PTPRM: variants seen among roughly 807,000 people sequenced by gnomAD.
PTPRM encodes protein tyrosine phosphatase receptor type M.
In PTPRM, 47 loss-of-function variants were observed where a neutral mutation model predicts 186.7. The ratio of observed to expected loss-of-function variants is 0.25; its 90% CI spans 0.20 to 0.32. The LOEUF is 0.32. PTPRM is among the 10% of genes least tolerant of loss of function. The probability of loss-of-function intolerance (pLI) is 1.00; values close to 1 mark genes in which losing one functional copy is unlikely to be tolerated. For missense variants in PTPRM, 1,494 were observed against 1,865.0 expected, an observed-to-expected ratio of 0.80 and a Z score of 3.66; for synonymous variants, 668 against 674.9, an observed-to-expected ratio of 0.99 and a Z score of 0.16.
chr18:7,955,376 C>T lies in PTPRM; in HGVS notation c.1094C>T (p.Ser365Phe). 6.2e-7 allele frequency: 1 copy of T among 1,614,002 alleles called. No individual in the cohort carries two copies. Among genetic ancestry groups the T allele is most frequent in the Admixed American group, 1.7e-5 (1 of 60,028 alleles). ...LTRPGEGGTG[S>F]PGPALRTRTK... is the part of the protein sequence containing the mutation. ...AGGCCAGGGGAGGGTGGCACTGGCT[C>T]TCCTGGTCCAGCTCTCAGGACAAGA... The change falls in exon 7 of 33, where the codon TCT becomes TTT. Residue 365 changes from serine to phenylalanine, a missense_variant. Physicochemically the swap from Ser to Phe is radical, Grantham distance 155. Transcript: ENST00000580170.
At chr18:8,178,478 C>T (rs916350221) in intron 14 of PTPRM, among the ~76,000 whole-genome samples, 1 of 152,112 alleles carries the variant, frequency 6.6e-6, no homozygotes, top group Non-Finnish European at 1.5e-5. Flanking sequence ...GCCACATAGG[C>T]TCCTTTTAAA....
At chr18:7,949,570 C>CA (rs1370036646) in intron 6 of PTPRM, among the ~76,000 whole-genome samples, 5 of 152,112 alleles carry the variant, frequency 3.3e-5, no homozygotes, top group South Asian at 2.1e-4. Flanking sequence ...TTTAGTTGCA[C>CA]AAAAAACAAT....
At chr18:7,654,917 T>C (rs2038812190) in intron 1 of PTPRM, among the ~76,000 whole-genome samples, 1 of 152,222 alleles carries the variant, frequency 6.6e-6, no homozygotes, top group Non-Finnish European at 1.5e-5. Context: ...TTGCTTAGGA[T>C]TGCATTGGCT....
At chr18:7,824,722 G>T (rs923855947) in intron 2 of PTPRM, among the ~76,000 whole-genome samples, 1 of 152,128 alleles carries the variant, frequency 6.6e-6, no homozygotes, top group Non-Finnish European at 1.5e-5. Flanking sequence ...TCCAAACTGT[G>T]GTTAAAACAT....
At chr18:8,316,441 G>A (rs915165109) in intron 21 of PTPRM, among the ~76,000 whole-genome samples, 1 of 152,148 alleles carries the variant, frequency 6.6e-6, no homozygotes, top group Non-Finnish European at 1.5e-5. Context: ...GCTCAAGGAG[G>A]TCACATACAT....
chr18:8,305,450 T>G (rs62089868), intron 20 of PTPRM, among the ~76,000 whole-genome samples: 7 of 152,242 alleles, frequency 4.6e-5, no homozygotes, highest in Non-Finnish European at 8.8e-5. Context: ...ATTAATTCAC[T>G]TAATCCTCAC....
chr18:8,258,476 C>G (rs1298209887), intron 19 of PTPRM, among the ~76,000 whole-genome samples: 3 of 152,100 alleles, frequency 2.0e-5, no homozygotes, highest in Non-Finnish European at 4.4e-5. Flanking sequence ...GATACCACGT[C>G]AGGTCCAACG....
At chr18:8,257,158 G>C (rs1385842451) in intron 19 of PTPRM, among the ~76,000 whole-genome samples, 1 of 152,230 alleles carries the variant, frequency 6.6e-6, no homozygotes, top group African/African-American at 2.4e-5. Context: ...CAAGAGCAAG[G>C]ATGACTTCTC....
rs370053249 is a variant in PTPRM, at chr18:8,379,358, C to T, written c.3786+18C>T. The stretch of plus-strand genomic sequence containing the variant: ...TCATGGACGTGAGTGCCCCGCTTCC[C>T]GCACGGGTCCGAGGCTGGGGTGTTT... On this transcript the variant is annotated intron_variant, in intron 28 of 32. Coordinates refer to ENST00000580170, the MANE Select transcript of PTPRM (RefSeq NM_001105244.2). 7.7e-5 allele frequency: 123 copies of T among 1,588,308 alleles called. No individual in the cohort carries two copies. Among genetic ancestry groups the T allele is most frequent in the Admixed American group, 1.5e-4 (9 of 58,960 alleles).
chr18:8,226,148 TAA>T (rs10710447), intron 14 of PTPRM, among the ~76,000 whole-genome samples: 28 of 151,078 alleles, frequency 1.9e-4, no homozygotes, highest in Non-Finnish European at 4.4e-5. Context: ...AATGTGTGGT[TAA>T]AAAAAAAATG....
Position 8,065,377 on chromosome 18 carries a change from A to T in PTPRM, c.1133-4309A>T, listed in dbSNP as rs1035045049. Among the ~76,000 whole-genome samples, 12 of 152,218 alleles carry T rather than the reference A, an allele frequency of 7.9e-5. No homozygotes were observed. The East Asian group carries it at 1.5e-3, about 20-fold the overall frequency. On this transcript the variant is annotated intron_variant, in intron 7 of 32. Coordinates refer to ENST00000580170, the MANE Select transcript of PTPRM (RefSeq NM_001105244.2). ...CTTAGGTCAGACTTCTCTGCTGGAAACCTGGCTCAAGCTGGCAGAAAAAGA... is the reference window on the plus strand; with the variant it reads ...CTTAGGTCAGACTTCTCTGCTGGAATCCTGGCTCAAGCTGGCAGAAAAAGA...
intron 2 of PTPRM, among the ~76,000 whole-genome samples, chr18:7,883,387 A>G (rs1174571921): frequency 6.6e-6 from 1 of 152,216 alleles, no homozygotes; most frequent in Non-Finnish European, 1.5e-5. Flanking sequence ...ATAGTCTAAA[A>G]TTGAATATAA....
intron 2 of PTPRM, among the ~76,000 whole-genome samples, chr18:7,793,287 G>A (rs2043437245): frequency 6.6e-6 from 1 of 152,182 alleles, no homozygotes; most frequent in African/African-American, 2.4e-5. Context: ...ACTTCTCTGA[G>A]CCTCGGTTTA....
intron 7 of PTPRM, among the ~76,000 whole-genome samples, chr18:7,984,890 CATATATAAATATATACAT>C (rs2082787734): frequency 8.2e-6 from 1 of 122,402 alleles, no homozygotes; most frequent in Non-Finnish European, 1.6e-5. Flanking sequence ...ATTATATATA[CATATATAAATATATACAT>C]ATAATTATAT....
chr18:8,261,953 C>T (rs1275378461), intron 19 of PTPRM, among the ~76,000 whole-genome samples: 1 of 152,196 alleles, frequency 6.6e-6, no homozygotes, highest in East Asian at 1.9e-4. Flanking sequence ...CTTGGAGGAC[C>T]TGGCCCAGAA....
chr18:7,831,748 C>G (rs913725489), intron 2 of PTPRM, among the ~76,000 whole-genome samples: 1 of 152,088 alleles, frequency 6.6e-6, no homozygotes, highest in Non-Finnish European at 1.5e-5. Context: ...CCATCTCCAC[C>G]TTCATCTCCA....
chr18:8,214,118 G>A (rs1328573107), intron 14 of PTPRM, among the ~76,000 whole-genome samples: 2 of 152,156 alleles, frequency 1.3e-5, no homozygotes, highest in East Asian at 1.9e-4. Flanking sequence ...AGGGGGGCAG[G>A]TAGGGGAGTG....
chr18:8,004,751 G>T (rs1382829715), intron 7 of PTPRM, among the ~76,000 whole-genome samples: 1 of 152,166 alleles, frequency 6.6e-6, no homozygotes, highest in Admixed American at 6.5e-5. Flanking sequence ...GCCAGAAGGA[G>T]CCAGGAGGAG....
At chr18:8,334,000 C>T (rs1011905773) in intron 22 of PTPRM, among the ~76,000 whole-genome samples, 1 of 152,198 alleles carries the variant, frequency 6.6e-6, no homozygotes, top group Non-Finnish European at 1.5e-5. Context: ...AATTGGAATT[C>T]CAGCTTTGCC....
Sources: gnomAD v4.1 joint callset for allele counts (sites outside exome capture counted in the v4.1 genomes callset) on GRCh38, gnomAD v4.1.1 for gene constraint, MANE v1.5 for transcripts, NCBI Gene and HGNC (gene_info 2026-07-23, HGNC 2026-07-21) for gene names.